The following SHANK2 variants were observed in gnomAD, a reference collection of about 807,000 sequenced individuals.
SHANK2 encodes the protein SH3 and multiple ankyrin repeat domains protein 2.
Under a neutral mutation model 133.7 loss-of-function variants are expected in SHANK2, and 43 were observed. The observed-to-expected ratio is 0.32, with a 90% CI of 0.25 to 0.41. The LOEUF (loss-of-function observed/expected upper bound fraction) is 0.41. Ranked by LOEUF, SHANK2 falls within the 10% of genes least tolerant of loss-of-function variation. The pLI is 1.00. For synonymous variants in SHANK2, 1,017 were observed against 952.8 expected (o/e 1.07, Z -1.24); for missense variants, 1,994 against 2,235.8 (o/e 0.89, Z 2.18).
At chr11:70,523,658 G>A (rs141790530) in intron 17 of SHANK2, among the ~76,000 whole-genome samples, 2 of 152,288 alleles carry the variant, frequency 1.3e-5, no homozygotes, top group East Asian at 1.9e-4. Flanking sequence ...TGCAGCAGCC[G>A]GTCCTGGAGG....
chr11:71,192,981 C>T (rs1953821662), intron 2 of SHANK2, among the ~76,000 whole-genome samples: 1 of 152,216 alleles, frequency 6.6e-6, no homozygotes, highest in South Asian at 2.1e-4. Context: ...AGAGTTGGTA[C>T]AGCTTACTCT....
intron 11 of SHANK2, among the ~76,000 whole-genome samples, chr11:70,827,232 G>A (rs1948655988): frequency 6.7e-6 from 1 of 148,792 alleles, no homozygotes; most frequent in Admixed American, 6.8e-5. Context: ...TAATTACCCT[G>A]GAAAAAACAG....
At position 70,500,639 on chromosome 11, in the gene SHANK2, G is replaced by T; in HGVS notation, c.2288-49C>A. 1 of 1,582,788 alleles carries T rather than the reference G, an allele frequency of 6.3e-7. No homozygotes were observed. The highest frequency in any genetic ancestry group is 8.6e-7 in the Non-Finnish European group (1 of 1,165,032). Reference sequence around the variant, plus strand: ...CATGAGCCACCAGGATGCAGCGCCCGCCCGCAGCCTACACTCGGGCCTTGT... The same window carrying T: ...CATGAGCCACCAGGATGCAGCGCCCTCCCGCAGCCTACACTCGGGCCTTGT... On this transcript the variant is annotated intron_variant, in intron 20 of 25. Coordinates refer to ENST00000601538, the MANE Select transcript of SHANK2 (RefSeq NM_012309.5). The surrounding 1 kb of genome is among the most constrained non-coding windows in gnomAD (Gnocchi z 4.5).
At chr11:70,533,501 A>T (rs767858625) in intron 17 of SHANK2, among the ~76,000 whole-genome samples, 2 of 152,068 alleles carry the variant, frequency 1.3e-5, no homozygotes, top group African/African-American at 2.4e-5. Context: ...ACCTAGCTCC[A>T]ATCACAACCC....
chr11:71,138,790 C>CAAAAAAA (rs58396625), intron 3 of SHANK2, among the ~76,000 whole-genome samples: 1 of 82,938 alleles, frequency 1.2e-5, no homozygotes. Flanking sequence ...GACCCTATCT[C>CAAAAAAA]AAAAAAAAAA....
rs578247176 is a variant in SHANK2 at position 70,713,713 on chromosome 11, G to A, written c.1778-14950C>T. Reference sequence around the variant, plus strand: ...GCACCGGGTGTCCGTCACAGCGCCGGGTGTCCATTGCTGCCACCATGTGAT... The same window carrying A: ...GCACCGGGTGTCCGTCACAGCGCCGAGTGTCCATTGCTGCCACCATGTGAT... On this transcript the variant is annotated intron_variant, in intron 14 of 25. Transcript: ENST00000601538. Among the ~76,000 whole-genome samples the A allele has an allele frequency of 3.3e-5, 5 of 152,304 alleles. No homozygotes were observed. The East Asian group carries it at 5.8e-4, about 18-fold the overall frequency.
At chr11:71,155,293 C>T (rs1952884106) in intron 2 of SHANK2, among the ~76,000 whole-genome samples, 2 of 131,748 alleles carry the variant, frequency 1.5e-5, no homozygotes, top group Non-Finnish European at 3.3e-5. Context: ...AGGGGTGGAC[C>T]TACCCCAGCC....
At chr11:70,866,062 G>T (rs1949352572) in intron 11 of SHANK2, among the ~76,000 whole-genome samples, 1 of 152,178 alleles carries the variant, frequency 6.6e-6, no homozygotes, top group Non-Finnish European at 1.5e-5. Context: ...GGCCTGTCCA[G>T]CATCTTGGTC....
intron 11 of SHANK2, among the ~76,000 whole-genome samples, chr11:70,885,548 G>A (rs1200650900): frequency 2.0e-5 from 3 of 152,200 alleles, no homozygotes; most frequent in Non-Finnish European, 2.9e-5. Context: ...GCCGCAGGGC[G>A]GGCTCCAGTG....
chr11:70,889,722 G>A (rs1284441260), intron 11 of SHANK2, among the ~76,000 whole-genome samples: 12 of 152,320 alleles, frequency 7.9e-5, no homozygotes, highest in Admixed American at 2.0e-4. Flanking sequence ...GCTGGGCAGC[G>A]GGGGCCTCAG....
rs1172194976 is a variant in SHANK2 at position 70,707,372 on chromosome 11, C to CAAA, written c.1778-8612_1778-8610dup. 1.3e-3 allele frequency among the ~76,000 whole-genome samples: 73 copies of CAAA among 57,772 alleles called. 1 individual carries two copies. The highest frequency in any genetic ancestry group is 2.0e-3 in the African/African-American group (25 of 12,790). 37.9% of individuals were successfully genotyped at this position (57,772 alleles called of 152,430 possible). ...GGGCGACAGAGTGAAAACTCCATCT[C>CAAA]AAAAAAAAAAAAAAAAAAAAAAAAA... On this transcript the variant is annotated intron_variant, in intron 14 of 25. Transcript: ENST00000601538.
rs919975009 is a variant in SHANK2, at chr11:70,485,207, C to T, written c.4979+107G>A. 1.5e-5 allele frequency: 14 copies of T among 952,116 alleles called. No homozygotes were observed. The highest frequency in any genetic ancestry group is 8.0e-5 in the South Asian group (6 of 74,830). 59.0% of individuals were successfully genotyped at this position (952,116 alleles called of 1,614,324 possible). A position where few individuals can be genotyped will look rare whatever the true frequency, so the allele number is the denominator to read the frequency against. On this transcript the variant is annotated intron_variant, in intron 25 of 25. Coordinates refer to ENST00000601538, the MANE Select transcript of SHANK2 (RefSeq NM_012309.5). This position sits in a 1 kb window ranked among gnomAD's most constrained non-coding sequence, Gnocchi z 5.8. ...ACAGACGTGGCCCACACAGGCTTTACGAATTCCCCTCTTCGTGTCCGCTGG... is the reference window on the plus strand; with the variant it reads ...ACAGACGTGGCCCACACAGGCTTTATGAATTCCCCTCTTCGTGTCCGCTGG...
chr11:71,087,241 C>G (rs1951431376), intron 8 of SHANK2, among the ~76,000 whole-genome samples: 2 of 152,170 alleles, frequency 1.3e-5, no homozygotes, highest in African/African-American at 4.8e-5. Flanking sequence ...ATGGTCAGGG[C>G]TCCTGCCAGC....
At chr11:70,943,106 A>T (rs1555084685) in intron 10 of SHANK2, 8 of 456,676 alleles carry the variant, frequency 1.8e-5, no homozygotes, top group Non-Finnish European at 3.5e-5. Flanking sequence ...GAAGGAGTTC[A>T]CCTGGCAAAG....
chr11:70,912,441 C>T (rs1950209555), intron 10 of SHANK2, among the ~76,000 whole-genome samples: 1 of 152,118 alleles, frequency 6.6e-6, no homozygotes, highest in African/African-American at 2.4e-5. Context: ...CTTTCCCATG[C>T]TATTCTTGTG....
At chr11:70,704,905 T>C (rs1239545247) in intron 14 of SHANK2, among the ~76,000 whole-genome samples, 3 of 151,352 alleles carry the variant, frequency 2.0e-5, no homozygotes, top group Non-Finnish European at 2.9e-5. Context: ...AAATTAATTT[T>C]GGCCAGTGAA....
Position 70,866,684 on chromosome 11 carries a change from C to T in SHANK2, c.1174+29817G>A, listed in dbSNP as rs114634800. ...AGGAATGACTTTTCTTATCAGTTCA[C>T]GCAGGGGCCCGGAGACACACAAGTC... is the stretch of plus-strand genomic sequence containing the variant. On this transcript the variant is annotated intron_variant, in intron 11 of 25. Coordinates refer to ENST00000601538, the MANE Select transcript of SHANK2 (RefSeq NM_012309.5). Among the ~76,000 whole-genome samples, 860 of 152,246 alleles carry T rather than the reference C, an allele frequency of 5.6e-3. 7 individuals carry two copies. The highest frequency in any genetic ancestry group is 0.019 in the African/African-American group (808 of 41,532).
intron 10 of SHANK2, among the ~76,000 whole-genome samples, chr11:70,903,907 CCTT>C (rs1555077384): frequency 1.3e-5 from 2 of 152,226 alleles, no homozygotes; most frequent in Non-Finnish European, 2.9e-5. Context: ...CCCAAACCCT[CCTT>C]CTCCCCGAAA....
chr11:70,672,060 CTTTTTCTTTT>C (rs1944820965), intron 15 of SHANK2, among the ~76,000 whole-genome samples: 4 of 120,936 alleles, frequency 3.3e-5, no homozygotes, highest in African/African-American at 1.2e-4. Context: ...CTTTTCTTTT[CTTTTTCTTTT>C]TTTTTTTTTT....
Sources: allele counts gnomAD v4.1 joint callset (sites outside exome capture counted in the v4.1 genomes callset), GRCh38; gene constraint gnomAD v4.1.1; non-coding constraint Gnocchi (gnomAD v3.1); transcripts MANE v1.5; gene names NCBI Gene and HGNC (gene_info 2026-07-23, HGNC 2026-07-21).